CSE1L: variants seen among roughly 807,000 people sequenced by gnomAD.
CSE1L encodes chromosome segregation 1 like.
In CSE1L, 24 loss-of-function variants were observed where a neutral mutation model predicts 120.4. The observed-to-expected ratio is 0.20, with a 90% CI of 0.14 to 0.28. The LOEUF is 0.28. Among genes scored for constraint, CSE1L ranks in the 10% least tolerant of loss-of-function variants. CSE1L has a pLI of 1.00. For synonymous variants in CSE1L, 402 were observed against 398.3 expected (o/e 1.01, Z -0.11); for missense variants, 830 against 1,145.2 (o/e 0.72, Z 3.97).
At position 49,078,570 on chromosome 20, in the gene CSE1L, T is replaced by C; in HGVS notation, c.1430T>C (p.Phe477Ser). The C allele has an allele frequency of 6.3e-7, 1 of 1,575,102 alleles. No individual in the cohort carries two copies. The highest frequency in any genetic ancestry group is 2.3e-5 in the East Asian group (1 of 43,974). ...CTGTTTTTTTATATAGTGAATGAAT[T>C]TCCTGTCCTTAAAGCTGACGGTATC... ...PDLKSANVNE[F>S]PVLKADGIKY... The change falls in exon 14 of 25, where the codon TTT (phenylalanine) becomes TCT (serine). Residue 477 changes from phenylalanine to serine, a missense_variant. Around this residue, in one of 4 missense-constraint regions of CSE1L, gnomAD observed 543 missense variants for 640.2 expected, o/e 0.85. Coordinates refer to ENST00000262982, the MANE Select transcript of CSE1L (RefSeq NM_001316.4).
Position 49,078,597 on chromosome 20 carries a change from A to T in CSE1L, c.1457A>T (p.Lys486Ile), listed in dbSNP as rs940306627. 3 of 1,571,494 alleles carry T rather than the reference A, an allele frequency of 1.9e-6. No homozygotes were observed. The highest frequency in any genetic ancestry group is 2.6e-6 in the Non-Finnish European group (3 of 1,158,438). ...EFPVLKADGI[K>I]YIMIFRNQVP... ...CCTGTCCTTAAAGCTGACGGTATCAAATATATTATGATTTTTAGAAATCAA... is the reference window on the plus strand; with the variant it reads ...CCTGTCCTTAAAGCTGACGGTATCATATATATTATGATTTTTAGAAATCAA... The change falls in exon 14 of 25, where the codon AAA (lysine) becomes ATA (isoleucine). Residue 486 changes from lysine to isoleucine, a missense_variant. Coordinates refer to ENST00000262982, the MANE Select transcript of CSE1L (RefSeq NM_001316.4).
At chr20:49,090,675 A>G in intron 19 of CSE1L, 67 bp from the exon 20 acceptor site, 3 of 1,169,772 alleles carry the variant, frequency 2.6e-6, no homozygotes, top group Non-Finnish European at 3.9e-6. Context: ...TAAGACATAT[A>G]TCATGTTTAA....
At chr20:49,076,830 C>T (rs983293974) in intron 12 of CSE1L, 150 bp from the exon 13 acceptor site, 2 of 533,404 alleles carry the variant, frequency 3.7e-6, no homozygotes, top group Non-Finnish European at 6.6e-6. Flanking sequence ...TGTACACAGC[C>T]AGTACAGTCT....
intron 17 of CSE1L, among the ~76,000 whole-genome samples, chr20:49,089,012 T>A (rs1007400125): frequency 5.9e-5 from 9 of 152,274 alleles, no homozygotes; most frequent in African/African-American, 1.9e-4. Flanking sequence ...TAAGACAAGT[T>A]ACAGCTCTGG....
chr20:49,057,758 A>G (rs2091820290), intron 1 of CSE1L, among the ~76,000 whole-genome samples: 1 of 152,110 alleles, frequency 6.6e-6, no homozygotes, highest in African/African-American at 2.4e-5. Context: ...CAGCCTCCCA[A>G]GTAGCTGAGA....
intron 2 of CSE1L, among the ~76,000 whole-genome samples, chr20:49,060,983 A>G (rs1416790167): frequency 6.6e-6 from 1 of 152,108 alleles, no homozygotes; most frequent in Non-Finnish European, 1.5e-5. Context: ...ATGTATGATG[A>G]CTAGAATCAT....
chr20:49,067,137 G>GTGAGTAAA, intron 5 of CSE1L, 53 bp from the exon 6 acceptor site: 1 of 1,118,312 alleles, frequency 8.9e-7, no homozygotes, highest in Non-Finnish European at 1.3e-6. Flanking sequence ...AAGACCTAAA[G>GTGAGTAAA]TGAGTAAATA....
intron 2 of CSE1L, among the ~76,000 whole-genome samples, chr20:49,060,923 T>C (rs1045282788): frequency 4.6e-5 from 7 of 152,170 alleles, no homozygotes. Context: ...TGCATGCTCA[T>C]AGAGGATGTT....
intron 16 of CSE1L, among the ~76,000 whole-genome samples, 167 bp downstream of exon 16, chr20:49,085,553 C>T (rs1384065853): frequency 1.6e-5 from 2 of 128,132 alleles, no homozygotes; most frequent in Non-Finnish European, 1.7e-5. Flanking sequence ...TTGTTTACTA[C>T]TAACAATAAT....
intron 2 of CSE1L, among the ~76,000 whole-genome samples, 156 bp downstream of exon 2, chr20:49,058,704 GTTGT>G (rs2091828301): frequency 6.6e-6 from 1 of 152,178 alleles, no homozygotes. Flanking sequence ...ACCATGGTGT[GTTGT>G]TTCTTTTTTG....
chr20:49,048,044 C>T (rs1019496285), intron 1 of CSE1L, among the ~76,000 whole-genome samples: 1 of 152,088 alleles, frequency 6.6e-6, no homozygotes, highest in Non-Finnish European at 1.5e-5. Flanking sequence ...TCCTTGGAGG[C>T]ACAGAAGGGG....
At chr20:49,047,803 A>C (rs2091731507) in intron 1 of CSE1L, among the ~76,000 whole-genome samples, 1 of 151,714 alleles carries the variant, frequency 6.6e-6, no homozygotes, top group Non-Finnish European at 1.5e-5. Context: ...CAGGCTGTCT[A>C]ATCAACCTGT....
intron 21 of CSE1L, among the ~76,000 whole-genome samples, chr20:49,091,712 CCTT>C (rs1600551329): frequency 6.6e-6 from 1 of 152,144 alleles, no homozygotes; most frequent in Admixed American, 6.5e-5. Context: ...TAGAGTGAAA[CCTT>C]CTCACAAGAA....
intron 1 of CSE1L, among the ~76,000 whole-genome samples, chr20:49,053,527 T>C (rs2091784964): frequency 6.6e-6 from 1 of 151,638 alleles, no homozygotes; most frequent in South Asian, 2.1e-4. Flanking sequence ...CATGGCTAAT[T>C]TTTAGTAGAG....
At chr20:49,058,425 G>T in intron 1 of CSE1L, 28 bp from the exon 2 acceptor site, 1 of 1,493,150 alleles carries the variant, frequency 6.7e-7, no homozygotes, top group Non-Finnish European at 9.2e-7. Flanking sequence ...TAAGTGACCA[G>T]TTATCCAAAC....
At chr20:49,067,443 G>T (rs1023242122) in intron 6 of CSE1L, among the ~76,000 whole-genome samples, 163 bp downstream of exon 6, 1 of 152,092 alleles carries the variant, frequency 6.6e-6, no homozygotes, top group Non-Finnish European at 1.5e-5. Context: ...ATGCTATAGT[G>T]AACTCCCATC....
intron 16 of CSE1L, 106 bp downstream of exon 16, chr20:49,085,492 GT>G: frequency 2.1e-6 from 1 of 471,300 alleles, no homozygotes; most frequent in South Asian, 2.7e-5. Context: ...ACCAGATAAT[GT>G]TTACCAAGTA....
At chr20:49,050,737 T>C (rs1183238879) in intron 1 of CSE1L, among the ~76,000 whole-genome samples, 2 of 152,088 alleles carry the variant, frequency 1.3e-5, no homozygotes, top group African/African-American at 2.4e-5. Context: ...TTAAAATTTT[T>C]TGTAGAGACA....
At position 49,074,894 on chromosome 20, in the gene CSE1L, G is replaced by A. The variant is rs763033091; in HGVS notation, c.1132+44G>A. ...TAGTTACTAGTCTCTTAGCAAGCCA[G>A]TTTTAAGGTGGTTCTCTTTCTAGTA... On this transcript the variant is annotated intron_variant, in intron 11 of 24. Transcript: ENST00000262982. 2.1e-6 allele frequency: 3 copies of A among 1,457,176 alleles called. 1 individual carries two copies. Among genetic ancestry groups the A allele is most frequent in the Non-Finnish European group, 2.8e-6 (3 of 1,053,204 alleles). The allele number at this position is 1,457,176 out of a possible 1,614,324, so 90.3% of individuals were successfully genotyped here.
Sources: allele counts gnomAD v4.1 joint callset (sites outside exome capture counted in the v4.1 genomes callset), GRCh38; gene constraint gnomAD v4.1.1; regional missense constraint gnomAD v4.1.1; transcripts MANE v1.5; gene names NCBI Gene and HGNC (gene_info 2026-07-23, HGNC 2026-07-21).